MSI2: variants seen among roughly 807,000 people sequenced by gnomAD.
MSI2 encodes RNA-binding protein Musashi homolog 2.
A neutral mutation model predicts 45.6 loss-of-function variants in MSI2; 17 were observed. The ratio of observed to expected loss-of-function variants is 0.37; its 90% CI spans 0.26 to 0.56. The LOEUF (loss-of-function observed/expected upper bound fraction) is 0.56, where lower values mean the gene tolerates loss of function less well. Among genes scored for constraint, MSI2 ranks in the 20% least tolerant of loss-of-function variants. MSI2 has a pLI of 0.77. For missense variants in MSI2, 293 were observed against 444.2 expected (o/e 0.66, Z 3.06); for synonymous variants, 156 against 158.2 (o/e 0.99, Z 0.11).
intron 12 of MSI2, among the ~76,000 whole-genome samples, chr17:57,676,561 G>T (rs1913248257): frequency 6.6e-6 from 1 of 152,208 alleles, no homozygotes; most frequent in South Asian, 2.1e-4. Flanking sequence ...TTGACCTGTG[G>T]GCTGTGATGT....
intron 5 of MSI2, among the ~76,000 whole-genome samples, chr17:57,338,026 T>TAA (rs1332849884): frequency 6.6e-6 from 1 of 152,234 alleles, no homozygotes; most frequent in Admixed American, 6.5e-5. Context: ...CATCTCAATG[T>TAA]AAAATACAGA....
chr17:57,351,292 T>G (rs1305296334), intron 5 of MSI2, among the ~76,000 whole-genome samples: 5 of 151,872 alleles, frequency 3.3e-5, no homozygotes, highest in African/African-American at 1.2e-4. Flanking sequence ...GTAGGCTCAG[T>G]AAGGGCACTA....
At chr17:57,574,931 C>T (rs1342657097) in intron 7 of MSI2, among the ~76,000 whole-genome samples, 6 of 151,152 alleles carry the variant, frequency 4.0e-5, no homozygotes, top group South Asian at 2.1e-4. Context: ...CCCGGGTTCA[C>T]GCCATTCTGC....
chr17:57,427,020 C>A (rs182542014), intron 6 of MSI2, among the ~76,000 whole-genome samples: 29 of 152,328 alleles, frequency 1.9e-4, no homozygotes, highest in Admixed American at 1.7e-3. Flanking sequence ...AGCCGGGGTG[C>A]CCCCACGGAA....
chr17:57,352,547 G>A (rs1191037570), intron 5 of MSI2, among the ~76,000 whole-genome samples: 1 of 152,202 alleles, frequency 6.6e-6, no homozygotes, highest in Non-Finnish European at 1.5e-5. Context: ...CTCACACACT[G>A]AGCAGCTCTG....
At chr17:57,557,012 T>C (rs576300940) in intron 7 of MSI2, among the ~76,000 whole-genome samples, 161 of 152,212 alleles carry the variant, frequency 1.1e-3, no homozygotes, top group African/African-American at 3.5e-3. Context: ...AGGCCTGAAA[T>C]GGAGAAGGGA....
chr17:57,309,565 A>C (rs1038792337), intron 5 of MSI2, among the ~76,000 whole-genome samples: 2 of 152,200 alleles, frequency 1.3e-5, no homozygotes, highest in Non-Finnish European at 2.9e-5. Flanking sequence ...GTAGGTGTAT[A>C]ATGGTGAAAG....
chr17:57,438,164 G>A (rs551477956), intron 6 of MSI2, among the ~76,000 whole-genome samples: 2 of 152,320 alleles, frequency 1.3e-5, no homozygotes, highest in South Asian at 2.1e-4. Flanking sequence ...GGTTTAGCCC[G>A]AGCTGGGGTG....
chr17:57,527,957 A>T (rs1313688608), intron 6 of MSI2, among the ~76,000 whole-genome samples: 1 of 152,228 alleles, frequency 6.6e-6, no homozygotes, highest in Non-Finnish European at 1.5e-5. Context: ...ATAGCCCACG[A>T]TTCCTTTTCT....
At chr17:57,434,794 C>G (rs1341020694) in intron 6 of MSI2, among the ~76,000 whole-genome samples, 1 of 148,718 alleles carries the variant, frequency 6.7e-6, no homozygotes, top group South Asian at 2.1e-4. Context: ...TTTTTTTTAT[C>G]CATTTACCCA....
chr17:57,598,507 G>A (rs935936862), intron 8 of MSI2, among the ~76,000 whole-genome samples: 10 of 151,920 alleles, frequency 6.6e-5, no homozygotes, highest in African/African-American at 9.7e-5. Flanking sequence ...CTTTTTTTGC[G>A]TACTGTATGT....
intron 7 of MSI2, among the ~76,000 whole-genome samples, chr17:57,536,484 G>A (rs961528482): frequency 2.6e-5 from 4 of 152,172 alleles, no homozygotes; most frequent in African/African-American, 4.8e-5. Flanking sequence ...CGCTGCCCTC[G>A]TTTGGGGTCT....
intron 7 of MSI2, among the ~76,000 whole-genome samples, chr17:57,576,108 G>T (rs111523816): frequency 6.6e-6 from 1 of 152,192 alleles, no homozygotes; most frequent in Non-Finnish European, 1.5e-5. Flanking sequence ...GACACTGTGG[G>T]AAGGCCATCC....
intron 6 of MSI2, among the ~76,000 whole-genome samples, chr17:57,502,065 A>C (rs557203586): frequency 6.6e-6 from 1 of 152,284 alleles, no homozygotes; most frequent in South Asian, 2.1e-4. Context: ...AGGCAGGTAC[A>C]GAGTACAAGG....
chr17:57,415,116 T>C (rs1212577363), intron 6 of MSI2, among the ~76,000 whole-genome samples: 1 of 152,116 alleles, frequency 6.6e-6, no homozygotes, highest in Non-Finnish European at 1.5e-5. Context: ...TCTAGGCTCA[T>C]AGATGTTATG....
At chr17:57,678,382 C>T (rs1042186757) in intron 13 of MSI2, among the ~76,000 whole-genome samples, 1 of 152,216 alleles carries the variant, frequency 6.6e-6, no homozygotes, top group Non-Finnish European at 1.5e-5. Context: ...AGGAAAGCTA[C>T]TTGCTACTAA....
intron 5 of MSI2, among the ~76,000 whole-genome samples, chr17:57,341,774 A>G (rs1174628041): frequency 2.0e-5 from 3 of 152,224 alleles, no homozygotes; most frequent in Non-Finnish European, 4.4e-5. Context: ...CAGATAATAC[A>G]AAAAAGCCAT....
chr17:57,514,512 T>C (rs1300276367), intron 6 of MSI2, among the ~76,000 whole-genome samples: 1 of 152,160 alleles, frequency 6.6e-6, no homozygotes, highest in Non-Finnish European at 1.5e-5. Context: ...CCTCTTTACC[T>C]CAAACAGATG....
chr17:57,551,249 A>C (rs1167973189), intron 7 of MSI2, among the ~76,000 whole-genome samples: 4 of 152,096 alleles, frequency 2.6e-5, no homozygotes, highest in Non-Finnish European at 5.9e-5. Flanking sequence ...TCTCAGACTA[A>C]ATAAGGTCTC....
Sources: allele counts gnomAD v4.1 joint callset (sites outside exome capture counted in the v4.1 genomes callset), GRCh38; gene constraint gnomAD v4.1.1; transcripts MANE v1.5; gene names NCBI Gene and HGNC (gene_info 2026-07-23, HGNC 2026-07-21).